Variants in CDK14 observed in about 807,000 individuals in gnomAD.
The protein encoded by CDK14 is cyclin dependent kinase 14.
In CDK14, 34 loss-of-function variants were observed where a neutral mutation model predicts 60.7. The observed-to-expected ratio is 0.56, with a 90% CI of 0.43 to 0.75. The LOEUF is 0.75. Ranked by LOEUF, CDK14 falls within the 30% of genes least tolerant of loss-of-function variation. The probability of loss-of-function intolerance (pLI) is 0.00; values close to 1 mark genes in which losing one functional copy is unlikely to be tolerated. For missense variants in CDK14, 482 were observed against 564.1 expected, an observed-to-expected ratio of 0.85 and a Z score of 1.47; for synonymous variants, 197 against 203.7, an observed-to-expected ratio of 0.97 and a Z score of 0.28.
intron 2 of CDK14, among the ~76,000 whole-genome samples, chr7:90,707,384 A>G (rs370112410): frequency 2.0e-5 from 3 of 151,864 alleles, no homozygotes; most frequent in African/African-American, 7.3e-5. Flanking sequence ...CCACATTTTC[A>G]TGGCTTTAGT....
intron 11 of CDK14, among the ~76,000 whole-genome samples, chr7:91,072,424 A>G (rs1798176585): frequency 1.3e-5 from 2 of 152,202 alleles, no homozygotes; most frequent in Non-Finnish European, 2.9e-5. Context: ...GCAGCCATAC[A>G]GAAGAGGGAC....
intron 4 of CDK14, among the ~76,000 whole-genome samples, chr7:90,780,034 T>A (rs1805242196): frequency 6.6e-6 from 1 of 152,194 alleles, no homozygotes; most frequent in Admixed American, 6.6e-5. Context: ...TGGATTTTCC[T>A]TATTGTTTCC....
chr7:90,969,432 GA>G lies in CDK14; in HGVS notation c.947+13620del, dbSNP rs756502579. 5.9e-5 allele frequency among the ~76,000 whole-genome samples: 9 copies of G among 152,274 alleles called. No individual in the cohort carries two copies. In the East Asian group the frequency reaches 1.4e-3, roughly 23 times the overall value. On this transcript the variant is annotated intron_variant, in intron 9 of 14. Transcript: ENST00000380050. ...CACGATATGCCACATGAAGTTTCTT[GA>G]AAAAGATTGCTTGATGTGTCTTTTG...
intron 2 of CDK14, among the ~76,000 whole-genome samples, chr7:90,605,930 A>C (rs2116325038): frequency 6.6e-6 from 1 of 152,326 alleles, no homozygotes; most frequent in South Asian, 2.1e-4. Context: ...GCCCAGCTGA[A>C]GGTTAAAGAT....
intron 5 of CDK14, among the ~76,000 whole-genome samples, chr7:90,793,129 T>C (rs1305901193): frequency 1.3e-5 from 2 of 152,246 alleles, no homozygotes; most frequent in Non-Finnish European, 2.9e-5. Flanking sequence ...TCAGAGACCT[T>C]GTCTGATTGT....
chr7:90,805,162 A>T (rs1438235321), intron 5 of CDK14, among the ~76,000 whole-genome samples: 1 of 152,138 alleles, frequency 6.6e-6, no homozygotes, highest in Non-Finnish European at 1.5e-5. Context: ...TTAAAAAATG[A>T]TGAGAATTCG....
intron 3 of CDK14, among the ~76,000 whole-genome samples, chr7:90,743,574 C>A (rs1234261434): frequency 1.3e-5 from 2 of 152,228 alleles, no homozygotes; most frequent in African/African-American, 4.8e-5. Context: ...CTTGCTTGCT[C>A]TGTCGATTAG....
chr7:90,678,309 T>C (rs4728919), intron 2 of CDK14, among the ~76,000 whole-genome samples: 60,122 of 151,948 alleles, frequency 0.4, 12,451 homozygotes, highest in East Asian at 0.67. Flanking sequence ...GGCTGATGCT[T>C]GGGGTGAAGG....
chr7:91,122,983 C>G (rs1443748473), intron 14 of CDK14, among the ~76,000 whole-genome samples: 1 of 152,168 alleles, frequency 6.6e-6, no homozygotes, highest in Non-Finnish European at 1.5e-5. Flanking sequence ...GGGCTTAGCC[C>G]TTCAGAAACT....
intron 14 of CDK14, among the ~76,000 whole-genome samples, chr7:91,130,462 A>C (rs1053759947): frequency 6.6e-6 from 1 of 152,160 alleles, no homozygotes; most frequent in Admixed American, 6.6e-5. Flanking sequence ...AAGAGTCTTA[A>C]GGGGTCCTAA....
Position 90,611,291 on chromosome 7 carries a change from T to A in CDK14, c.123+7042T>A, listed in dbSNP as rs1799533524. Among the ~76,000 whole-genome samples, 5 of 152,198 alleles carry A rather than the reference T, an allele frequency of 3.3e-5. No homozygotes were observed. The South Asian group carries it at 1.0e-3, about 31-fold the overall frequency. Reference sequence around the variant, plus strand: ...CTCTGATTGAGTGGTTGATGTACACTTGACGTCAGTGTGGCTGACTCAGCT... The same window carrying A: ...CTCTGATTGAGTGGTTGATGTACACATGACGTCAGTGTGGCTGACTCAGCT... On this transcript the variant is annotated intron_variant, in intron 2 of 14. Coordinates refer to ENST00000380050, the MANE Select transcript of CDK14 (RefSeq NM_001287135.2).
chr7:91,135,826 C>G (rs1800263537), intron 14 of CDK14, among the ~76,000 whole-genome samples: 1 of 152,134 alleles, frequency 6.6e-6, no homozygotes, highest in Non-Finnish European at 1.5e-5. Context: ...GTGTTGCAAA[C>G]TGAACCCAAG....
chr7:90,798,202 T>G (rs1278808725), intron 5 of CDK14, among the ~76,000 whole-genome samples: 1 of 139,698 alleles, frequency 7.2e-6, no homozygotes, highest in African/African-American at 2.7e-5. Flanking sequence ...TTTTTTTTTT[T>G]GTAGCAGTAA....
At chr7:90,760,991 G>C (rs147108800) in intron 4 of CDK14, among the ~76,000 whole-genome samples, 4 of 152,336 alleles carry the variant, frequency 2.6e-5, no homozygotes, top group African/African-American at 9.6e-5. Context: ...ACGTCCTTTA[G>C]AGGAAGAATG....
chr7:91,120,369 A>C (rs560288261), intron 14 of CDK14, among the ~76,000 whole-genome samples: 2 of 152,336 alleles, frequency 1.3e-5, no homozygotes, highest in South Asian at 4.1e-4. Context: ...TACAGTCATC[A>C]GTATATAAAA....
intron 5 of CDK14, among the ~76,000 whole-genome samples, chr7:90,816,428 G>A (rs569939576): frequency 8.5e-5 from 13 of 152,278 alleles, no homozygotes; most frequent in South Asian, 2.1e-4. Flanking sequence ...TGTTCTGTGC[G>A]GTGTCAGTTT....
chr7:91,032,867 AAC>A (rs1400651272), intron 10 of CDK14, among the ~76,000 whole-genome samples: 2 of 152,232 alleles, frequency 1.3e-5, no homozygotes. Flanking sequence ...AATTTTCTAA[AAC>A]ACAATTGAGG....
At chr7:90,785,436 A>G (rs189643685) in intron 4 of CDK14, among the ~76,000 whole-genome samples, 4 of 152,298 alleles carry the variant, frequency 2.6e-5, no homozygotes, top group Admixed American at 2.0e-4. Flanking sequence ...ACTTTGAGCT[A>G]AGTGGGGAGT....
At chr7:90,625,364 A>G (rs1198723872) in intron 2 of CDK14, among the ~76,000 whole-genome samples, 2 of 152,158 alleles carry the variant, frequency 1.3e-5, no homozygotes, top group Admixed American at 6.5e-5. Context: ...TTTAAGTGGA[A>G]TAAGTTACGG....
Sources: allele counts gnomAD v4.1 joint callset (sites outside exome capture counted in the v4.1 genomes callset), GRCh38; gene constraint gnomAD v4.1.1; transcripts MANE v1.5; gene names NCBI Gene and HGNC (gene_info 2026-07-23, HGNC 2026-07-21).